POU6F2: variants seen among roughly 807,000 people sequenced by gnomAD.
POU6F2 encodes the protein POU class 6 homeobox 2.
In POU6F2, 31 loss-of-function variants were observed where a neutral mutation model predicts 71.3. The observed-to-expected ratio is 0.43, with a 90% CI of 0.33 to 0.59. The LOEUF is 0.59. Ranked by LOEUF, POU6F2 falls within the 20% of genes least tolerant of loss-of-function variation. The pLI, the probability that POU6F2 is intolerant of heterozygous loss-of-function variation, is 0.04. For missense variants in POU6F2, 783 were observed against 856.8 expected, an observed-to-expected ratio of 0.91 and a Z score of 1.07; for synonymous variants, 347 against 355.7, an observed-to-expected ratio of 0.98 and a Z score of 0.27.
At chr7:39,209,690 T>A (rs1794099986) in intron 4 of POU6F2, among the ~76,000 whole-genome samples, 1 of 152,180 alleles carries the variant, frequency 6.6e-6, no homozygotes, top group Admixed American at 6.5e-5. Flanking sequence ...AAGCCAGTGG[T>A]CACCTTGTAA....
chr7:39,195,227 A>G (rs1192650507), intron 2 of POU6F2, among the ~76,000 whole-genome samples: 2 of 152,330 alleles, frequency 1.3e-5, no homozygotes, highest in East Asian at 1.9e-4. Context: ...GTGATCATTT[A>G]ATCACCTGCC....
intron 4 of POU6F2, among the ~76,000 whole-genome samples, chr7:39,321,865 T>A (rs926416914): frequency 1.3e-5 from 2 of 151,372 alleles, no homozygotes; most frequent in African/African-American, 4.9e-5. Flanking sequence ...ACTTTAAGAA[T>A]AAACATTGTA....
intron 4 of POU6F2, among the ~76,000 whole-genome samples, chr7:39,221,138 G>A (rs1794346813): frequency 6.6e-6 from 1 of 151,832 alleles, no homozygotes; most frequent in Admixed American, 6.6e-5. Context: ...GTTTCTCTTG[G>A]GCAACACAGG....
chr7:39,364,312 T>C (rs1056966188), intron 5 of POU6F2, among the ~76,000 whole-genome samples: 1 of 151,942 alleles, frequency 6.6e-6, no homozygotes, highest in Non-Finnish European at 1.5e-5. Flanking sequence ...TGGTGTTTGG[T>C]TACATGAGTA....
intron 4 of POU6F2, among the ~76,000 whole-genome samples, chr7:39,264,503 C>T (rs1784203632): frequency 6.6e-6 from 1 of 152,060 alleles, no homozygotes; most frequent in Non-Finnish European, 1.5e-5. Flanking sequence ...GTGAGAGTCC[C>T]AGCTGGTGTC....
chr7:39,434,494 G>C (rs1023309887), intron 7 of POU6F2, among the ~76,000 whole-genome samples: 5 of 152,068 alleles, frequency 3.3e-5, no homozygotes, highest in African/African-American at 1.2e-4. Flanking sequence ...ATAGTGCCTG[G>C]CATACAGTAA....
chr7:39,297,112 C>A (rs894307469), intron 4 of POU6F2, among the ~76,000 whole-genome samples: 5 of 151,674 alleles, frequency 3.3e-5, no homozygotes, highest in Admixed American at 3.3e-4. Context: ...AGTAAAATCT[C>A]TAATAATAAT....
chr7:39,207,094 A>C (rs889417347), intron 3 of POU6F2, among the ~76,000 whole-genome samples: 1 of 152,244 alleles, frequency 6.6e-6, no homozygotes, highest in African/African-American at 2.4e-5. Context: ...CAAATATATG[A>C]AGATAGGATC....
intron 2 of POU6F2, among the ~76,000 whole-genome samples, chr7:39,095,951 A>C (rs12701692): frequency 6.6e-6 from 1 of 151,960 alleles, no homozygotes; most frequent in Non-Finnish European, 1.5e-5. Context: ...ATCTGTATTC[A>C]TGCATTTCCT....
At chr7:39,201,324 C>T (rs1373222499) in intron 2 of POU6F2, among the ~76,000 whole-genome samples, 3 of 152,082 alleles carry the variant, frequency 2.0e-5, no homozygotes, top group Admixed American at 6.5e-5. Flanking sequence ...TTACACCAAA[C>T]GGCTTTTAAT....
chr7:39,464,055 G>A lies in POU6F2; in HGVS notation c.1659-127G>A. On this transcript the variant is annotated intron_variant, in intron 9 of 9. Transcript: ENST00000518318. This position sits in a 1 kb window ranked among gnomAD's most constrained non-coding sequence, Gnocchi z 4.1. ...GTGGGCGCTGGCTTGGGCAGGGCTG[G>A]CTACCTTGCAGCTGGCTATTAACCT... 1.6e-6 allele frequency: 2 copies of A among 1,278,982 alleles called. No individual in the cohort carries two copies. The highest frequency in any genetic ancestry group is 2.8e-5 in the South Asian group (2 of 70,254). The allele number at this position is 1,278,982 out of a possible 1,614,324, so 79.2% of individuals were successfully genotyped here. A position where few individuals can be genotyped will look rare whatever the true frequency, so the allele number is the denominator to read the frequency against.
At chr7:39,328,013 C>T (rs1308138129) in intron 4 of POU6F2, among the ~76,000 whole-genome samples, 1 of 152,034 alleles carries the variant, frequency 6.6e-6, no homozygotes, top group Admixed American at 6.5e-5. Flanking sequence ...CTCCGTCTCC[C>T]AGGTTCAAGC....
intron 2 of POU6F2, among the ~76,000 whole-genome samples, chr7:39,158,737 T>G (rs2128736097): frequency 6.6e-6 from 1 of 152,314 alleles, no homozygotes; most frequent in South Asian, 2.1e-4. Flanking sequence ...CCACCCACAT[T>G]GGATGAGGAT....
At chr7:39,236,463 C>G (rs1376304580) in intron 4 of POU6F2, among the ~76,000 whole-genome samples, 3 of 151,996 alleles carry the variant, frequency 2.0e-5, no homozygotes, top group Admixed American at 2.0e-4. Context: ...AGCATCAGCC[C>G]CAACCAATAT....
chr7:39,190,067 T>C (rs1373350505), intron 2 of POU6F2, among the ~76,000 whole-genome samples: 1 of 152,054 alleles, frequency 6.6e-6, no homozygotes, highest in African/African-American at 2.4e-5. Flanking sequence ...CTAATTTTTT[T>C]GTGTTTTTTG....
chr7:39,138,693 A>T (rs549413488), intron 2 of POU6F2, among the ~76,000 whole-genome samples: 1 of 152,216 alleles, frequency 6.6e-6, no homozygotes, highest in Admixed American at 6.5e-5. Context: ...ATTTCATTAT[A>T]TGTTACAATG....
intron 1 of POU6F2, among the ~76,000 whole-genome samples, chr7:39,057,198 TTGTGCTTC>T: frequency 6.6e-6 from 1 of 152,156 alleles, no homozygotes; most frequent in Admixed American, 6.6e-5. Context: ...AAGATGGAAT[TTGTGCTTC>T]TGTTTCTCAT....
At chr7:39,267,131 C>T (rs140584311) in intron 4 of POU6F2, among the ~76,000 whole-genome samples, 103 of 152,084 alleles carry the variant, frequency 6.8e-4, no homozygotes, top group African/African-American at 2.3e-3. Flanking sequence ...GAGAAGAAAA[C>T]GGCAAAAGTC....
At position 39,187,513 on chromosome 7, in the gene POU6F2, T is replaced by C. The variant is rs201078206; in HGVS notation, c.278-16722T>C. 2.0e-5 allele frequency among the ~76,000 whole-genome samples: 3 copies of C among 152,354 alleles called. No individual in the cohort carries two copies. The East Asian group carries it at 5.8e-4, about 29-fold the overall frequency. ...CAAGAGACAGGACAGAGCAGAGGCA[T>C]GCAGCTATGCTTGTGGTCTGCACGT... On this transcript the variant is annotated intron_variant, in intron 2 of 9. Transcript: ENST00000518318.
Sources: allele counts gnomAD v4.1 joint callset (sites outside exome capture counted in the v4.1 genomes callset), GRCh38; gene constraint gnomAD v4.1.1; non-coding constraint Gnocchi (gnomAD v3.1); transcripts MANE v1.5; gene names NCBI Gene and HGNC (gene_info 2026-07-23, HGNC 2026-07-21).